Variants in JAK2 observed in about 807,000 individuals in gnomAD.
JAK2 encodes Janus kinase 2, also known as tyrosine-protein kinase JAK2.
Under a neutral mutation model 139.3 loss-of-function variants are expected in JAK2, and 86 were observed. The ratio of observed to expected loss-of-function variants is 0.62; its 90% CI spans 0.52 to 0.74. The LOEUF is 0.74. Among genes scored for constraint, JAK2 ranks in the 30% least tolerant of loss-of-function variants. JAK2 has a pLI of 0.00. For synonymous variants in JAK2, 490 were observed against 437.7 expected (o/e 1.12, Z -1.49); for missense variants, 1,421 against 1,360.3 (o/e 1.04, Z -0.70).
chr9:5,031,197 G>A (rs866681777), intron 4 of JAK2, among the ~76,000 whole-genome samples: 5 of 152,084 alleles, frequency 3.3e-5, no homozygotes, highest in Non-Finnish European at 5.9e-5. Flanking sequence ...GGCATTTTAC[G>A]GAATTTGACA....
intron 3 of JAK2, among the ~76,000 whole-genome samples, chr9:5,026,022 A>G (rs1395483329): frequency 2.0e-5 from 3 of 151,792 alleles, no homozygotes; most frequent in Non-Finnish European, 4.4e-5. Flanking sequence ...TTTTTTTCTT[A>G]TTATCCTTGA....
chr9:5,042,816 G>T (rs1360829581), intron 4 of JAK2, among the ~76,000 whole-genome samples: 1 of 152,190 alleles, frequency 6.6e-6, no homozygotes, highest in East Asian at 1.9e-4. Context: ...TGGGGCCGCG[G>T]CTGAAGCCAG....
intron 3 of JAK2, among the ~76,000 whole-genome samples, chr9:5,025,369 T>G (rs1314550977): frequency 6.6e-6 from 1 of 152,210 alleles, no homozygotes; most frequent in Admixed American, 6.5e-5. Context: ...TAAGATGGAA[T>G]TGTCTTTCAT....
intron 22 of JAK2, among the ~76,000 whole-genome samples, chr9:5,106,023 A>T (rs2104685): frequency 0.38 from 58,260 of 152,078 alleles, 14,928 homozygotes; most frequent in African/African-American, 0.74. Context: ...CATGATGAAA[A>T]CGCCAGAAAC....
Position 5,129,420 on chromosome 9 carries a change from T to C in JAK2, c.*2629T>C. Among the ~76,000 whole-genome samples the C allele has an allele frequency of 6.6e-6, 1 of 152,140 alleles. No individual in the cohort carries two copies. The highest frequency in any genetic ancestry group is 1.9e-4 in the East Asian group (1 of 5,204). On this transcript the variant is annotated 3_prime_UTR_variant, in exon 25 of 25. Coordinates refer to ENST00000381652, the MANE Select transcript of JAK2 (RefSeq NM_004972.4). ...ACAACTGCTGTCAACCACTGTATTGTCTTTAATGAACACTGTTGTATCCCA... is the reference window on the plus strand; with the variant it reads ...ACAACTGCTGTCAACCACTGTATTGCCTTTAATGAACACTGTTGTATCCCA...
At chr9:5,027,241 A>G (rs1822838674) in intron 3 of JAK2, among the ~76,000 whole-genome samples, 1 of 152,226 alleles carries the variant, frequency 6.6e-6, no homozygotes, top group African/African-American at 2.4e-5. Context: ...GTTCCAGACT[A>G]TCGCAGTGAA....
At chr9:5,084,695 T>C (rs1819947205) in intron 19 of JAK2, among the ~76,000 whole-genome samples, 1 of 152,212 alleles carries the variant, frequency 6.6e-6, no homozygotes, top group East Asian at 1.9e-4. Context: ...AAATTAATTT[T>C]AACATGGATT....
At chr9:5,006,903 A>G (rs1007727548) in intron 2 of JAK2, among the ~76,000 whole-genome samples, 2 of 152,176 alleles carry the variant, frequency 1.3e-5, no homozygotes, top group African/African-American at 4.8e-5. Context: ...AAGGAACTTC[A>G]TTTGTTTTTA....
At chr9:5,036,826 C>T (rs986322108) in intron 4 of JAK2, among the ~76,000 whole-genome samples, 3 of 151,884 alleles carry the variant, frequency 2.0e-5, no homozygotes, top group Non-Finnish European at 4.4e-5. Context: ...TCTAAAACAC[C>T]AAAAGCAATG....
In JAK2 at chr9:5,069,078, G is replaced by C. The variant is rs749599613; in HGVS notation, c.1383G>C (p.Glu461Asp). 1.2e-6 allele frequency: 2 copies of C among 1,610,268 alleles called. No homozygotes were observed. The highest frequency in any genetic ancestry group is 8.5e-7 in the Non-Finnish European group (1 of 1,177,504). Residue 461 changes from glutamate (E) to aspartate (D), a missense_variant, in exon 11 of 25, where the codon GAG (glutamate) becomes GAC (aspartate). Transcript: ENST00000381652. ...TGATTACAAAAAATGAGAATGAAGA[G>C]TACAACCTCAGTGGGACAAAGAAGA... ...HCLITKNENEEYNLSGTKKNF... is the reference protein window; with the variant it reads ...HCLITKNENEDYNLSGTKKNF...
intron 4 of JAK2, among the ~76,000 whole-genome samples, chr9:5,035,147 T>C (rs193072990): frequency 6.6e-6 from 1 of 152,168 alleles, no homozygotes; most frequent in Non-Finnish European, 1.5e-5. Flanking sequence ...AATGGATAAA[T>C]TCCTGGACAC....
intron 2 of JAK2, among the ~76,000 whole-genome samples, chr9:5,010,572 C>T (rs756021895): frequency 6.6e-6 from 1 of 152,160 alleles, no homozygotes; most frequent in Non-Finnish European, 1.5e-5. Flanking sequence ...TCACCCGCCT[C>T]GGCCTCCCAA....
At chr9:4,994,287 A>T (rs543288503) in intron 2 of JAK2, among the ~76,000 whole-genome samples, 2 of 152,306 alleles carry the variant, frequency 1.3e-5, no homozygotes, top group African/African-American at 2.4e-5. Flanking sequence ...GTTTCCAAGA[A>T]CCTATTGAAG....
rs1384481142 is a variant in JAK2 at position 5,054,814 on chromosome 9, T to A, written c.866T>A (p.Ile289Lys). 1 of 1,612,768 alleles carries A rather than the reference T, an allele frequency of 6.2e-7. No homozygotes were observed. Among genetic ancestry groups the A allele is most frequent in the Non-Finnish European group, 8.5e-7 (1 of 1,179,282 alleles). The change falls in exon 7 of 25, where the codon ATA becomes AAA. Residue 289 changes from isoleucine (I) to lysine (K), a missense_variant. Physicochemically the swap from Ile to Lys is moderately radical, Grantham distance 102 (BLOSUM62 -3). Coordinates refer to ENST00000381652, the MANE Select transcript of JAK2 (RefSeq NM_004972.4). The surrounding 1 kb of genome is among the most constrained non-coding windows in gnomAD (Gnocchi z 4.9). ...PSGEEIFATIIITGNGGIQWS... is the reference protein window; with the variant it reads ...PSGEEIFATIKITGNGGIQWS... ...GGTGAGGAGATTTTTGCAACCATTA[T>A]AATAACTGGAAACGGTGGAATTCAG...
At chr9:5,082,146 C>T (rs1362190379) in intron 19 of JAK2, among the ~76,000 whole-genome samples, 1 of 152,050 alleles carries the variant, frequency 6.6e-6, no homozygotes, top group Non-Finnish European at 1.5e-5. Context: ...AAAAGTGGGC[C>T]CAGGGGACCA....
At chr9:5,055,525 T>TAAATC in intron 7 of JAK2, 144 bp from the exon 8 acceptor site, 2 of 575,048 alleles carry the variant, frequency 3.5e-6, no homozygotes, top group Non-Finnish European at 5.8e-6. Context: ...ATTGATAGAG[T>TAAATC]AAATCACGTT....
In JAK2 at chr9:4,986,465, C is replaced by G. The variant is rs1294220543; in HGVS notation, c.-26+443C>G. 2.6e-5 allele frequency among the ~76,000 whole-genome samples: 4 copies of G among 152,136 alleles called. No individual in the cohort carries two copies. In the East Asian group the frequency reaches 7.7e-4, roughly 29 times the overall value. Reference sequence around the variant, plus strand: ...AAGCTTGCTGTGTCGGTTGAATTTACCCAGTTTGTTTTCCAGTAATTACTA... The same window carrying G: ...AAGCTTGCTGTGTCGGTTGAATTTAGCCAGTTTGTTTTCCAGTAATTACTA... On this transcript the variant is annotated intron_variant, in intron 2 of 24. Transcript: ENST00000381652.
intron 19 of JAK2, 56 bp downstream of exon 19, chr9:5,081,917 T>A: frequency 7.1e-7 from 1 of 1,411,538 alleles, no homozygotes; most frequent in Non-Finnish European, 9.9e-7. Context: ...AGGAAAAACT[T>A]AAGAGCGTTT....
At chr9:5,037,524 G>A (rs1007588146) in intron 4 of JAK2, among the ~76,000 whole-genome samples, 1 of 152,188 alleles carries the variant, frequency 6.6e-6, no homozygotes, top group Non-Finnish European at 1.5e-5. Flanking sequence ...ATACTGTGCA[G>A]CCATGAAAAA....
Sources: gnomAD v4.1 joint callset for allele counts (sites outside exome capture counted in the v4.1 genomes callset) on GRCh38, gnomAD v4.1.1 for gene constraint, Gnocchi (gnomAD v3.1) non-coding constraint, MANE v1.5 for transcripts, NCBI Gene and HGNC (gene_info 2026-07-23, HGNC 2026-07-21) for gene names.